Variants in INTS6 observed in about 807,000 individuals in gnomAD.
INTS6 encodes integrator complex subunit 6, also known as DEAD box protein.
Under a neutral mutation model 104.9 loss-of-function variants are expected in INTS6, and 16 were observed. The ratio of observed to expected loss-of-function variants is 0.15; its 90% CI spans 0.10 to 0.23. INTS6 has a LOEUF of 0.23. Among genes scored for constraint, INTS6 ranks in the 10% least tolerant of loss-of-function variants. The pLI is 1.00. For missense variants in INTS6, 584 were observed against 1,062.8 expected, an observed-to-expected ratio of 0.55 and a Z score of 6.26; for synonymous variants, 324 against 358.7, an observed-to-expected ratio of 0.90 and a Z score of 1.09.
At chr13:51,374,939 AC>A in intron 13 of INTS6, 143 bp from the exon 14 acceptor site, 1 of 760,572 alleles carries the variant, frequency 1.3e-6, no homozygotes, top group Non-Finnish European at 2.0e-6. Context: ...TGCAATTATA[AC>A]CACTGCGACA....
rs1955586750 is a variant in INTS6, at chr13:51,361,967, C to T, written c.*3785G>A. 6.2e-6 allele frequency: 10 copies of T among 1,610,898 alleles called. No individual in the cohort carries two copies. In the South Asian group the frequency reaches 1.1e-4, roughly 18 times the overall value. ...CTAGCAACAAGGGCTCATTTGTCCA[C>T]TATCCCCTCAAAAATAAGCATTCTT... On this transcript the variant is annotated 3_prime_UTR_variant, in exon 18 of 18. Coordinates refer to ENST00000311234, the MANE Select transcript of INTS6 (RefSeq NM_012141.3).
At chr13:51,433,837 T>A (rs1472103006) in intron 3 of INTS6, among the ~76,000 whole-genome samples, 1 of 152,204 alleles carries the variant, frequency 6.6e-6, no homozygotes, top group Non-Finnish European at 1.5e-5. Context: ...CTGAAATTAC[T>A]ATAATAACAA....
downstream of INTS6, among the ~76,000 whole-genome samples, chr13:51,359,346 C>T (rs1227852434): frequency 6.6e-6 from 1 of 152,070 alleles, no homozygotes; most frequent in Non-Finnish European, 1.5e-5. Flanking sequence ...TCATTTTTAT[C>T]GCATATGTTG....
rs1953095653 is a variant in INTS6 at position 51,452,834 on chromosome 13, C to T, written c.-309G>A. 8.6e-7 allele frequency: 1 copy of T among 1,162,810 alleles called. No homozygotes were observed. The highest frequency in any genetic ancestry group is 1.8e-5 in the South Asian group (1 of 55,320). 72.0% of individuals were successfully genotyped at this position (1,162,810 alleles called of 1,614,324 possible). Reference sequence around the variant, plus strand: ...CCCCGCCTCGGGGGTCCCGTCCCCGCTCCCGGCCCCTGTGTGTGTCCCAGC... The same window carrying T: ...CCCCGCCTCGGGGGTCCCGTCCCCGTTCCCGGCCCCTGTGTGTGTCCCAGC... On this transcript the variant is annotated 5_prime_UTR_variant, in exon 1 of 18. Coordinates refer to ENST00000311234, the MANE Select transcript of INTS6 (RefSeq NM_012141.3). The surrounding 1 kb of genome is among the most constrained non-coding windows in gnomAD (Gnocchi z 4.2).
chr13:51,439,750 A>C (rs1952758465), intron 3 of INTS6: 1 of 152,232 alleles, frequency 6.6e-6, no homozygotes, highest in African/African-American at 2.4e-5. Context: ...TAGCCAGAAA[A>C]AACTGGATAG....
intron 4 of INTS6, among the ~76,000 whole-genome samples, chr13:51,400,242 T>C (rs894442843): frequency 6.6e-6 from 1 of 152,204 alleles, no homozygotes; most frequent in African/African-American, 2.4e-5. Flanking sequence ...GCCAAAAAGG[T>C]TGGGGACAGC....
intron 3 of INTS6, among the ~76,000 whole-genome samples, chr13:51,434,279 C>T (rs1267313997): frequency 1.3e-5 from 2 of 152,104 alleles, no homozygotes; most frequent in South Asian, 2.1e-4. Context: ...CCCCAACACA[C>T]ACTGAAACAA....
chr13:51,341,431 ACACT>A, the INTS6 span: 67 of 1,271,806 alleles, frequency 5.3e-5, no homozygotes, highest in Admixed American at 1.7e-4. Context: ...GCTCACACTC[ACACT>A]CACTCTCTCC....
the INTS6 span, among the ~76,000 whole-genome samples, chr13:51,338,140 AC>A: frequency 1.4e-4 from 22 of 152,200 alleles, no homozygotes; most frequent in Non-Finnish European, 2.8e-4. Flanking sequence ...TACACAAACA[AC>A]CTTTTTTTAA....
chr13:51,399,647 G>A (rs1956399909), intron 4 of INTS6, among the ~76,000 whole-genome samples: 1 of 152,010 alleles, frequency 6.6e-6, no homozygotes, highest in South Asian at 2.1e-4. Flanking sequence ...AGAACCAGTT[G>A]CTCTGTATCT....
the INTS6 span, among the ~76,000 whole-genome samples, chr13:51,335,224 G>A: frequency 6.6e-6 from 1 of 152,034 alleles, no homozygotes; most frequent in Admixed American, 6.5e-5. Context: ...AATAGATAAT[G>A]GCCAAAAGGG....
intron 13 of INTS6, among the ~76,000 whole-genome samples, chr13:51,375,781 G>A (rs188807582): frequency 8.5e-5 from 13 of 152,192 alleles, no homozygotes; most frequent in Non-Finnish European, 1.6e-4. Context: ...GCGCGTGCGC[G>A]CATGAATGCA....
chr13:51,450,681 A>T (rs1305153900), intron 3 of INTS6: 1 of 998,548 alleles, frequency 1.0e-6, no homozygotes, highest in Non-Finnish European at 1.2e-6. Flanking sequence ...AGTGTCTCTA[A>T]GCCACTATAA....
At chr13:51,392,383 C>T (rs1956259353) in intron 5 of INTS6, among the ~76,000 whole-genome samples, 1 of 151,932 alleles carries the variant, frequency 6.6e-6, no homozygotes, top group South Asian at 2.1e-4. Flanking sequence ...ATATAGAGAG[C>T]ATGTCCCTTT....
At chr13:51,438,857 A>C (rs1012794318) in intron 3 of INTS6, 2 of 152,180 alleles carry the variant, frequency 1.3e-5, no homozygotes, top group Non-Finnish European at 2.9e-5. Flanking sequence ...AAAGCACTGT[A>C]CCTTGTCATT....
At chr13:51,355,048 G>C in intron 3 of INTS6, 1 of 1,515,442 alleles carries the variant, frequency 6.6e-7, no homozygotes, top group Non-Finnish European at 9.0e-7. Flanking sequence ...TTTAGGTTTA[G>C]GATCCAAAAT....
chr13:51,388,898 AC>A, intron 6 of INTS6, among the ~76,000 whole-genome samples: 1 of 80,030 alleles, frequency 1.2e-5, no homozygotes, highest in South Asian at 4.0e-4. Flanking sequence ...TTTTTGACCC[AC>A]AATAAACCAT....
chr13:51,345,868 A>G, the INTS6 span, among the ~76,000 whole-genome samples: 1 of 152,216 alleles, frequency 6.6e-6, no homozygotes, highest in South Asian at 2.1e-4. Flanking sequence ...AAAAAGGGGC[A>G]GTTGGCTCAG....
At chr13:51,367,387 T>C (rs1462449294) in intron 17 of INTS6, among the ~76,000 whole-genome samples, 1 of 152,008 alleles carries the variant, frequency 6.6e-6, no homozygotes, top group Non-Finnish European at 1.5e-5. Context: ...ACAATCAGAA[T>C]AAGGCCCATT....
Sources: allele counts gnomAD v4.1 joint callset (sites outside exome capture counted in the v4.1 genomes callset), GRCh38; gene constraint gnomAD v4.1.1; non-coding constraint Gnocchi (gnomAD v3.1); transcripts MANE v1.5; gene names NCBI Gene and HGNC (gene_info 2026-07-23, HGNC 2026-07-21).